DYM: variants seen among roughly 807,000 people sequenced by gnomAD.
The protein encoded by DYM is dyggve-Melchior-Clausen syndrome protein.
In DYM, 78 loss-of-function variants were observed where a neutral mutation model predicts 93.1. The ratio of observed to expected loss-of-function variants is 0.84; its 90% CI spans 0.70 to 1.01. The LOEUF (loss-of-function observed/expected upper bound fraction) is 1.01. DYM is among the 50% of genes least tolerant of loss of function. DYM has a pLI of 0.00. For synonymous variants in DYM, 321 were observed against 319.7 expected (o/e 1.00, Z -0.04); for missense variants, 789 against 845.0 (o/e 0.93, Z 0.82).
At chr18:49,351,585 AAG>A (rs1255854525) in intron 6 of DYM, among the ~76,000 whole-genome samples, 1 of 151,934 alleles carries the variant, frequency 6.6e-6, no homozygotes, top group Admixed American at 6.6e-5. Context: ...CACCGAGGAA[AAG>A]AAAAAAAAAA....
chr18:49,243,249 G>C (rs1418125193), intron 13 of DYM, among the ~76,000 whole-genome samples: 1 of 152,170 alleles, frequency 6.6e-6, no homozygotes, highest in Non-Finnish European at 1.5e-5. Context: ...GACAGCATGA[G>C]TCTATGGTGT....
intron 17 of DYM, among the ~76,000 whole-genome samples, chr18:49,090,830 C>T (rs1347485533): frequency 6.6e-6 from 1 of 152,048 alleles, no homozygotes; most frequent in Non-Finnish European, 1.5e-5. Flanking sequence ...AGAAGAGAAC[C>T]ACTGAGAAAC....
At chr18:49,223,030 A>G (rs1056874943) in intron 13 of DYM, among the ~76,000 whole-genome samples, 2 of 152,158 alleles carry the variant, frequency 1.3e-5, no homozygotes, top group Non-Finnish European at 2.9e-5. Flanking sequence ...TATGAAATAA[A>G]CAGGAACACG....
intron 17 of DYM, among the ~76,000 whole-genome samples, chr18:49,049,050 A>C (rs11082727): frequency 0.19 from 28,953 of 152,200 alleles, 3,038 homozygotes; most frequent in South Asian, 0.33. Flanking sequence ...ATGGTATAAA[A>C]TAGTATAAAC....
At chr18:49,436,545 T>C (rs2080880402) in intron 1 of DYM, among the ~76,000 whole-genome samples, 1 of 152,198 alleles carries the variant, frequency 6.6e-6, no homozygotes, top group Non-Finnish European at 1.5e-5. Flanking sequence ...ACCCTGAATA[T>C]GCCTCAATAA....
chr18:49,308,749 T>C (rs1166691451), intron 8 of DYM, among the ~76,000 whole-genome samples: 1 of 152,082 alleles, frequency 6.6e-6, no homozygotes, highest in Admixed American at 6.6e-5. Context: ...AGGGGAACCA[T>C]TTTTCTTTTT....
chr18:49,123,223 T>C (rs868859077), intron 15 of DYM, among the ~76,000 whole-genome samples: 2 of 152,226 alleles, frequency 1.3e-5, no homozygotes, highest in East Asian at 1.9e-4. Flanking sequence ...TATTTTGTTA[T>C]GCAAGCTTAT....
intron 1 of DYM, among the ~76,000 whole-genome samples, chr18:49,432,434 C>T (rs183089392): frequency 6.7e-6 from 1 of 148,686 alleles, no homozygotes; most frequent in East Asian, 2.0e-4. Context: ...ACATAATACA[C>T]TAGTGAAAAT....
At chr18:49,329,598 G>A (rs560800654) in intron 8 of DYM, 1 of 152,324 alleles carries the variant, frequency 6.6e-6, no homozygotes, top group South Asian at 2.1e-4. Context: ...GTCCAAGCAA[G>A]TGGTTCACTA....
At chr18:49,193,051 G>A (rs1018879902) in intron 14 of DYM, among the ~76,000 whole-genome samples, 3 of 152,054 alleles carry the variant, frequency 2.0e-5, no homozygotes, top group Non-Finnish European at 4.4e-5. Flanking sequence ...AATCTCTAAT[G>A]TTCTCGTCAC....
rs953308313 is a variant in DYM at position 49,325,744 on chromosome 18, G to A, written c.763+6120C>T. 2.6e-5 allele frequency among the ~76,000 whole-genome samples: 4 copies of A among 152,082 alleles called. No individual in the cohort carries two copies. The South Asian group carries it at 6.2e-4, about 24-fold the overall frequency. The stretch of plus-strand genomic sequence containing the variant: ...TGCATTTAGATTTATTTTTTTAAAC[G>A]TAGAGTCCAGAATCAGGGAAGTTAG... On this transcript the variant is annotated intron_variant, in intron 8 of 17. Transcript: ENST00000675505.
At chr18:49,341,491 CAAAAAAAAAAAAAAAA>C (rs10578063) in intron 6 of DYM, among the ~76,000 whole-genome samples, 2 of 64,920 alleles carry the variant, frequency 3.1e-5, no homozygotes, top group African/African-American at 1.5e-4. Flanking sequence ...GACTCCATCG[CAAAAAAAAAAAAAAAA>C]AAAAAAAAAA....
At chr18:49,411,494 G>A (rs1387810005) in intron 2 of DYM, among the ~76,000 whole-genome samples, 1 of 152,130 alleles carries the variant, frequency 6.6e-6, no homozygotes, top group African/African-American at 2.4e-5. Context: ...CTACTTCACA[G>A]TTTTCTGTAA....
At chr18:49,076,189 G>A (rs965524580) in intron 17 of DYM, among the ~76,000 whole-genome samples, 12 of 152,184 alleles carry the variant, frequency 7.9e-5, no homozygotes, top group Non-Finnish European at 1.0e-4. Context: ...GTCTCTGTAT[G>A]TGTATGTGTG....
At chr18:49,289,404 T>TAAAAAAAAAAAAAAAAAA (rs56240607) in intron 8 of DYM, among the ~76,000 whole-genome samples, 29 of 33,524 alleles carry the variant, frequency 8.7e-4, no homozygotes, top group Non-Finnish European at 1.1e-3. Flanking sequence ...TACAAATCAG[T>TAAAAAAAAAAAAAAAAAA]AAAAAAAAAA....
intron 15 of DYM, among the ~76,000 whole-genome samples, chr18:49,161,324 AT>A: frequency 6.6e-6 from 1 of 152,346 alleles, no homozygotes; most frequent in Non-Finnish European, 1.5e-5. Flanking sequence ...ATACCAGTAA[AT>A]ATGACCTATT....
chr18:49,381,292 A>G (rs994778725), intron 3 of DYM, among the ~76,000 whole-genome samples: 1 of 152,178 alleles, frequency 6.6e-6, no homozygotes, highest in Admixed American at 6.5e-5. Context: ...AGGCCCATAC[A>G]TATATATTTT....
chr18:49,395,131 A>G (rs1346457876), intron 2 of DYM, among the ~76,000 whole-genome samples: 1 of 152,204 alleles, frequency 6.6e-6, no homozygotes, highest in Non-Finnish European at 1.5e-5. Flanking sequence ...AAGCAAAAAT[A>G]GACAAATAGG....
intron 17 of DYM, among the ~76,000 whole-genome samples, chr18:49,085,878 T>C (rs1568396554): frequency 6.6e-6 from 1 of 152,226 alleles, no homozygotes; most frequent in Non-Finnish European, 1.5e-5. Flanking sequence ...GTGCTGGGAT[T>C]ACAGGCATGA....
Sources: gnomAD v4.1 joint callset for allele counts (sites outside exome capture counted in the v4.1 genomes callset) on GRCh38, gnomAD v4.1.1 for gene constraint, MANE v1.5 for transcripts, NCBI Gene and HGNC (gene_info 2026-07-23, HGNC 2026-07-21) for gene names.